NIPBL: variants seen among roughly 807,000 people sequenced by gnomAD.
The protein encoded by NIPBL is NIPBL cohesin loading factor.
A neutral mutation model predicts 321.8 loss-of-function variants in NIPBL; 19 were observed. The ratio of observed to expected loss-of-function variants is 0.06; its 90% CI spans 0.04 to 0.09. NIPBL has a LOEUF of 0.09. Ranked by LOEUF, NIPBL falls within the 10% of genes least tolerant of loss-of-function variation. NIPBL has a pLI of 1.00. For synonymous variants in NIPBL, 1,106 were observed against 1,114.1 expected, an observed-to-expected ratio of 0.99 and a Z score of 0.14; for missense variants, 2,210 against 3,327.0, an observed-to-expected ratio of 0.66 and a Z score of 8.26.
intron 37 of NIPBL, among the ~76,000 whole-genome samples, chr5:37,045,904 C>G (rs1462492979): frequency 5.9e-5 from 9 of 152,156 alleles, no homozygotes; most frequent in Non-Finnish European, 1.3e-4. Context: ...GGAAACAATG[C>G]ACTGATTTAC....
intron 4 of NIPBL, among the ~76,000 whole-genome samples, chr5:36,959,356 G>A (rs1021870925): frequency 1.3e-5 from 2 of 152,126 alleles, no homozygotes; most frequent in Admixed American, 1.3e-4. Flanking sequence ...TTGTTTGAAT[G>A]GTATTTTGAA....
intron 1 of NIPBL, among the ~76,000 whole-genome samples, chr5:36,895,067 CA>C (rs1464762192): frequency 6.6e-6 from 1 of 152,146 alleles, no homozygotes; most frequent in Non-Finnish European, 1.5e-5. Context: ...AGTATATTCA[CA>C]AAGTTATGCA....
chr5:36,966,397 A>G (rs1365756048), intron 6 of NIPBL, among the ~76,000 whole-genome samples: 2 of 152,062 alleles, frequency 1.3e-5, no homozygotes, highest in African/African-American at 4.8e-5. Flanking sequence ...AGGTTTTACT[A>G]GTTTCCAGTT....
intron 42 of NIPBL, 42 bp downstream of exon 42, chr5:37,052,608 A>C: frequency 6.6e-7 from 1 of 1,509,376 alleles, no homozygotes; most frequent in Non-Finnish European, 9.2e-7. Context: ...TAAGTGCTCT[A>C]GAAATTTTAT....
At chr5:37,035,216 A>G (rs1372580905) in intron 32 of NIPBL, among the ~76,000 whole-genome samples, 4 of 152,210 alleles carry the variant, frequency 2.6e-5, no homozygotes, top group South Asian at 2.1e-4. Context: ...GGCTGCAGTG[A>G]GCTTTGATTG....
At chr5:36,879,062 T>G (rs1745315367) in intron 1 of NIPBL, among the ~76,000 whole-genome samples, 1 of 152,156 alleles carries the variant, frequency 6.6e-6, no homozygotes, top group Non-Finnish European at 1.5e-5. Flanking sequence ...GGTTTGTTTT[T>G]TTGGGGATGG....
intron 32 of NIPBL, among the ~76,000 whole-genome samples, chr5:37,027,674 A>G (rs1750464723): frequency 7.8e-6 from 1 of 128,400 alleles, no homozygotes; most frequent in Non-Finnish European, 1.5e-5. Context: ...GCTGGAGTGC[A>G]GTGGCACAAT....
intron 1 of NIPBL, among the ~76,000 whole-genome samples, chr5:36,882,814 C>T (rs1280455167): frequency 6.6e-6 from 1 of 151,454 alleles, no homozygotes; most frequent in Non-Finnish European, 1.5e-5. Context: ...TCTTGTGGAG[C>T]TTACAAGAGT....
intron 1 of NIPBL, among the ~76,000 whole-genome samples, chr5:36,908,298 T>G (rs2149542361): frequency 6.6e-6 from 1 of 152,282 alleles, no homozygotes; most frequent in Middle Eastern, 3.4e-3. Context: ...AAAAAGCAAA[T>G]AACCAAAGTT....
chr5:36,886,591 A>G (rs1745924364), intron 1 of NIPBL: 2 of 551,592 alleles, frequency 3.6e-6, no homozygotes, highest in Non-Finnish European at 6.5e-6. Flanking sequence ...TAAAATAGTT[A>G]TCTGATGACT....
intron 42 of NIPBL, among the ~76,000 whole-genome samples, chr5:37,054,970 A>T (rs142255574): frequency 3.0e-4 from 46 of 152,262 alleles, no homozygotes; most frequent in South Asian, 1.2e-3. Flanking sequence ...GCCAAAGAGC[A>T]GTTTAGGAAG....
chr5:36,914,135 A>AT (rs1475022287), intron 1 of NIPBL, among the ~76,000 whole-genome samples: 1 of 152,224 alleles, frequency 6.6e-6, no homozygotes, highest in Non-Finnish European at 1.5e-5. Flanking sequence ...GCCGTTAAAT[A>AT]TTTCAGCCAT....
intron 9 of NIPBL, among the ~76,000 whole-genome samples, chr5:36,981,772 G>T (rs1580386376): frequency 1.3e-5 from 2 of 151,622 alleles, no homozygotes; most frequent in Non-Finnish European, 3.0e-5. Flanking sequence ...GAATGGCTCA[G>T]CTTCACTAAT....
At chr5:37,061,046 T>TTC (rs754583584) in intron 45 of NIPBL, 28 bp downstream of exon 45, 13 of 1,592,648 alleles carry the variant, frequency 8.2e-6, no homozygotes, top group Non-Finnish European at 1.1e-5. Flanking sequence ...AAGTTTTTAC[T>TTC]TCTCATAAGG....
In NIPBL at chr5:36,984,762, A is replaced by T. The variant is rs794727009; in HGVS notation, c.1582A>T (p.Thr528Ser). 6.2e-7 allele frequency: 1 copy of T among 1,613,782 alleles called. No homozygotes were observed. The highest frequency in any genetic ancestry group is 8.5e-7 in the Non-Finnish European group (1 of 1,179,786). The change falls in exon 10 of 47, where the codon ACG (threonine) becomes TCG (serine). Residue 528 changes from threonine (T) to serine (S), a missense_variant. Thr to Ser is a moderately conservative substitution (Grantham distance 58). Transcript: ENST00000282516. ...TGGNRPASQETGSTGNGSRPA... is the reference protein window; with the variant it reads ...TGGNRPASQESGSTGNGSRPA... ...AGGTAATAGACCAGCTTCTCAGGAG[A>T]CGGGTTCTACGGGAAATGGGTCAAG...
intron 1 of NIPBL, among the ~76,000 whole-genome samples, chr5:36,952,083 T>C (rs550453463): frequency 1.3e-4 from 19 of 145,024 alleles, no homozygotes; most frequent in South Asian, 4.5e-4. Flanking sequence ...CATGTGTGTG[T>C]GTAGCAGTTT....
chr5:37,049,557 A>G (rs1392746761), intron 40 of NIPBL, among the ~76,000 whole-genome samples: 1 of 152,188 alleles, frequency 6.6e-6, no homozygotes, highest in Non-Finnish European at 1.5e-5. Flanking sequence ...TTTTCTAAGT[A>G]TGGGTGATAT....
At chr5:36,907,092 T>C (rs1258856009) in intron 1 of NIPBL, among the ~76,000 whole-genome samples, 2 of 152,198 alleles carry the variant, frequency 1.3e-5, no homozygotes, top group Non-Finnish European at 2.9e-5. Context: ...TTAAAAGCAA[T>C]GCTCTGAGAT....
intron 38 of NIPBL, among the ~76,000 whole-genome samples, chr5:37,047,333 T>C (rs1349600176): frequency 6.6e-6 from 1 of 152,200 alleles, no homozygotes; most frequent in East Asian, 1.9e-4. Context: ...TGAGTAGTTA[T>C]TTATATTAGT....
Sources: gnomAD v4.1 joint callset for allele counts (sites outside exome capture counted in the v4.1 genomes callset) on GRCh38, gnomAD v4.1.1 for gene constraint, MANE v1.5 for transcripts, NCBI Gene and HGNC (gene_info 2026-07-23, HGNC 2026-07-21) for gene names.